The following HIPK2 variants were observed in gnomAD, a reference collection of about 807,000 sequenced individuals.
HIPK2 encodes the protein homeodomain interacting protein kinase 2, also known as homeodomain-interacting protein kinase 2.
Under a neutral mutation model 113.7 loss-of-function variants are expected in HIPK2, and 27 were observed. The observed-to-expected ratio is 0.24, with a 90% CI of 0.17 to 0.33. HIPK2 has a LOEUF of 0.33. Among genes scored for constraint, HIPK2 ranks in the 10% least tolerant of loss-of-function variants. The pLI is 1.00. For missense variants in HIPK2, 1,257 were observed against 1,588.0 expected (o/e 0.79, Z 3.54); for synonymous variants, 631 against 642.2 (o/e 0.98, Z 0.26).
Position 139,630,023 on chromosome 7 carries a change from T to C in HIPK2, c.1348-984A>G, listed in dbSNP as rs1043692573. 6.6e-6 allele frequency among the ~76,000 whole-genome samples: 1 copy of C among 151,944 alleles called. No individual in the cohort carries two copies. The highest frequency in any genetic ancestry group is 1.5e-5 in the Non-Finnish European group (1 of 68,002). Reference sequence around the variant, plus strand: ...TATTATCTTTAAACCATATTAGGATTTGGCTGCAGATTCCATTAAAAAAAC... The same window carrying C: ...TATTATCTTTAAACCATATTAGGATCTGGCTGCAGATTCCATTAAAAAAAC... On this transcript the variant is annotated intron_variant, in intron 4 of 14. Coordinates refer to ENST00000406875, the MANE Select transcript of HIPK2 (RefSeq NM_022740.5). The surrounding 1 kb of genome is among the most constrained non-coding windows in gnomAD (Gnocchi z 4.0).
intron 9 of HIPK2, among the ~76,000 whole-genome samples, chr7:139,612,267 CAAATAG>C (rs1799860084): frequency 6.6e-6 from 1 of 152,052 alleles, no homozygotes; most frequent in African/African-American, 2.4e-5. Flanking sequence ...CAAGACAGGA[CAAATAG>C]TGTCTTTGGG....
chr7:139,672,663 T>C (rs775265465), intron 2 of HIPK2, among the ~76,000 whole-genome samples: 11 of 152,210 alleles, frequency 7.2e-5, no homozygotes, highest in Admixed American at 3.9e-4. Flanking sequence ...TTTCGCCATG[T>C]TGGCCAGGCT....
intron 11 of HIPK2, among the ~76,000 whole-genome samples, chr7:139,597,389 C>T (rs1799261007): frequency 6.6e-6 from 1 of 152,204 alleles, no homozygotes; most frequent in Non-Finnish European, 1.5e-5. Flanking sequence ...TGTCTTGTGT[C>T]ATCCCTTCAA....
At chr7:139,646,239 C>A (rs562008384) in intron 2 of HIPK2, among the ~76,000 whole-genome samples, 3 of 152,244 alleles carry the variant, frequency 2.0e-5, no homozygotes, top group South Asian at 4.2e-4. Context: ...CTCACCCATG[C>A]ACTGCCAGCA....
chr7:139,677,587 A>T lies in HIPK2; in HGVS notation c.1103+38345T>A, dbSNP rs187988528. Among the ~76,000 whole-genome samples the T allele has an allele frequency of 3.5e-3, 537 of 152,140 alleles. 6 individuals carry two copies. The highest frequency in any genetic ancestry group is 0.012 in the African/African-American group (509 of 41,510). The stretch of plus-strand genomic sequence containing the variant: ...AAGCCACTTTTCTATTATTTTTTTT[A>T]AATTATACTTTAAGTTCTGGGATAC... On this transcript the variant is annotated intron_variant, in intron 2 of 14. Transcript: ENST00000406875.
chr7:139,688,419 A>G (rs1794294420), intron 2 of HIPK2, among the ~76,000 whole-genome samples: 3 of 152,254 alleles, frequency 2.0e-5, no homozygotes, highest in Admixed American at 1.3e-4. Flanking sequence ...AGTTGAAGAC[A>G]GCTAGAGACT....
intron 1 of HIPK2, among the ~76,000 whole-genome samples, chr7:139,724,395 G>A (rs1217442455): frequency 6.6e-6 from 1 of 152,148 alleles, no homozygotes; most frequent in Non-Finnish European, 1.5e-5. Flanking sequence ...CCAAAACAGT[G>A]TATACTGAAT....
At chr7:139,770,683 C>T (rs1796635721) in intron 1 of HIPK2, among the ~76,000 whole-genome samples, 1 of 152,200 alleles carries the variant, frequency 6.6e-6, no homozygotes. Context: ...ACATATTAGG[C>T]TGCATTCTTT....
rs1232696899 is a variant in HIPK2 at position 139,631,088 on chromosome 7, C to G, written c.1347+77G>C. 1.3e-6 allele frequency: 2 copies of G among 1,510,166 alleles called. No individual in the cohort carries two copies. Among genetic ancestry groups the G allele is most frequent in the East Asian group, 4.9e-5 (2 of 40,752 alleles). 93.5% of individuals were successfully genotyped at this position (1,510,166 alleles called of 1,614,324 possible). A position where few individuals can be genotyped will look rare whatever the true frequency, so the allele number is the denominator to read the frequency against. ...CTCATTTTGCTGACTGAATCAAAAG[C>G]TCCCCACTAATGGGTCTACGGCCCT... is the stretch of plus-strand genomic sequence containing the variant. On this transcript the variant is annotated intron_variant, in intron 4 of 14. Transcript: ENST00000406875. The surrounding 1 kb of genome is among the most constrained non-coding windows in gnomAD (Gnocchi z 4.9).
chr7:139,630,187 A>T lies in HIPK2; in HGVS notation c.1347+978T>A, dbSNP rs549256807. 6.6e-6 allele frequency among the ~76,000 whole-genome samples: 1 copy of T among 152,290 alleles called. No individual in the cohort carries two copies. Among genetic ancestry groups the T allele is most frequent in the Non-Finnish European group, 1.5e-5 (1 of 68,026 alleles). ...TGATTTTAATTGCTAGGCACAGATC[A>T]AAGTGAAAGCAAACTATGTTTCTGT... On this transcript the variant is annotated intron_variant, in intron 4 of 14. Coordinates refer to ENST00000406875, the MANE Select transcript of HIPK2 (RefSeq NM_022740.5). This position sits in a 1 kb window ranked among gnomAD's most constrained non-coding sequence, Gnocchi z 4.0.
chr7:139,714,465 C>T lies in HIPK2; in HGVS notation c.1103+1467G>A, dbSNP rs964315774. ...TGGGAGGAGACTTGCAACAGCTCTG[C>T]CTGCAGCCAGGATGGGGGCCCGGAC... is the stretch of plus-strand genomic sequence containing the variant. On this transcript the variant is annotated intron_variant, in intron 2 of 14. Transcript: ENST00000406875. This position sits in a 1 kb window ranked among gnomAD's most constrained non-coding sequence, Gnocchi z 4.2. Among the ~76,000 whole-genome samples, 1 of 152,142 alleles carries T rather than the reference C, an allele frequency of 6.6e-6. No individual in the cohort carries two copies. The highest frequency in any genetic ancestry group is 1.5e-5 in the Non-Finnish European group (1 of 68,024).
intron 1 of HIPK2, among the ~76,000 whole-genome samples, chr7:139,762,265 G>A (rs1484646496): frequency 6.6e-6 from 1 of 152,208 alleles, no homozygotes; most frequent in Non-Finnish European, 1.5e-5. Flanking sequence ...TGGCAACACT[G>A]TAGAAAGAAC....
At chr7:139,754,037 C>T (rs1796324657) in intron 1 of HIPK2, among the ~76,000 whole-genome samples, 1 of 152,200 alleles carries the variant, frequency 6.6e-6, no homozygotes, top group African/African-American at 2.4e-5. Flanking sequence ...CACGCTGGAG[C>T]CAGTGCACAA....
intron 7 of HIPK2, among the ~76,000 whole-genome samples, chr7:139,615,087 A>G (rs1799990168): frequency 1.3e-5 from 2 of 152,186 alleles, no homozygotes; most frequent in African/African-American, 4.8e-5. Context: ...TGCAGTCCAC[A>G]TGTGGGAGGA....
At chr7:139,693,921 G>A (rs1794488956) in intron 2 of HIPK2, among the ~76,000 whole-genome samples, 1 of 152,122 alleles carries the variant, frequency 6.6e-6, no homozygotes. Flanking sequence ...GCTGCAAACT[G>A]AACACATGAA....
intron 2 of HIPK2, among the ~76,000 whole-genome samples, chr7:139,673,997 G>A (rs538507605): frequency 6.6e-6 from 1 of 151,426 alleles, no homozygotes; most frequent in African/African-American, 2.4e-5. Context: ...TTTGAGCTGA[G>A]GAGGCAGAGG....
chr7:139,573,806 C>T (rs886966748), intron 14 of HIPK2, among the ~76,000 whole-genome samples: 1 of 150,188 alleles, frequency 6.7e-6, no homozygotes, highest in Admixed American at 6.6e-5. Flanking sequence ...TGAGATCACG[C>T]GAGTGCACTC....
At chr7:139,750,588 G>A (rs193282409) in intron 1 of HIPK2, among the ~76,000 whole-genome samples, 1 of 152,348 alleles carries the variant, frequency 6.6e-6, no homozygotes, top group East Asian at 1.9e-4. Flanking sequence ...GGGTCTTTGT[G>A]TTGCATCAAA....
At chr7:139,641,571 G>A (rs1801023727) in intron 2 of HIPK2, among the ~76,000 whole-genome samples, 1 of 152,188 alleles carries the variant, frequency 6.6e-6, no homozygotes, top group African/African-American at 2.4e-5. Flanking sequence ...TGCCAGGCTA[G>A]AGGTCAGAGT....
Sources: allele counts gnomAD v4.1 joint callset (sites outside exome capture counted in the v4.1 genomes callset), GRCh38; gene constraint gnomAD v4.1.1; non-coding constraint Gnocchi (gnomAD v3.1); transcripts MANE v1.5; gene names NCBI Gene and HGNC (gene_info 2026-07-23, HGNC 2026-07-21).